Variants in NCKAP5 observed in about 807,000 individuals in gnomAD.
The protein encoded by NCKAP5 is nck-associated protein 5.
In NCKAP5, 92 loss-of-function variants were observed where a neutral mutation model predicts 167.0. That is an observed-to-expected ratio of 0.55 (90% CI 0.47 to 0.66). The LOEUF is 0.66. Ranked by LOEUF, NCKAP5 falls within the 30% of genes least tolerant of loss-of-function variation. The pLI, the probability that NCKAP5 is intolerant of heterozygous loss-of-function variation, is 0.00. For synonymous variants in NCKAP5, 891 were observed against 877.4 expected (o/e 1.02, Z -0.27); for missense variants, 2,378 against 2,315.0 (o/e 1.03, Z -0.56).
In NCKAP5 at chr2:132,699,978, C is replaced by T. The variant is rs535596394; in HGVS notation, c.5713+25649G>A. Reference sequence around the variant, plus strand: ...AAAAGTGTTCCTATTTCTCCACATCCTCTCCAGCACCTGTTGCTTCCTGAC... The same window carrying T: ...AAAAGTGTTCCTATTTCTCCACATCTTCTCCAGCACCTGTTGCTTCCTGAC... On this transcript the variant is annotated intron_variant, in intron 19 of 19. Transcript: ENST00000409261. Among the ~76,000 whole-genome samples, 4 of 152,332 alleles carry T rather than the reference C, an allele frequency of 2.6e-5. No individual in the cohort carries two copies. In the South Asian group the frequency reaches 8.3e-4, roughly 32 times the overall value.
chr2:133,598,640 C>T, the NCKAP5 span, among the ~76,000 whole-genome samples: 10 of 152,092 alleles, frequency 6.6e-5, no homozygotes, highest in African/African-American at 1.9e-4. Flanking sequence ...CTTGTGAATA[C>T]CATGTTGGCT....
intron 16 of NCKAP5, among the ~76,000 whole-genome samples, chr2:132,754,598 C>T (rs10167909): frequency 0.15 from 22,293 of 152,226 alleles, 2,100 homozygotes; most frequent in South Asian, 0.22. Flanking sequence ...GGGCAATAAA[C>T]AGCAGCAGAG....
intron 6 of NCKAP5, among the ~76,000 whole-genome samples, chr2:133,072,157 T>C (rs2080434220): frequency 6.6e-6 from 1 of 151,648 alleles, no homozygotes; most frequent in Admixed American, 6.6e-5. Flanking sequence ...TGATCTCGGC[T>C]CACTACAACC....
chr2:133,667,044 T>C, the NCKAP5 span, among the ~76,000 whole-genome samples: 1 of 152,020 alleles, frequency 6.6e-6, no homozygotes, highest in Admixed American at 6.6e-5. Context: ...CCTAGCTTCT[T>C]CATAGTTTCT....
chr2:133,078,810 T>C (rs1263309373), intron 6 of NCKAP5, among the ~76,000 whole-genome samples: 2 of 152,146 alleles, frequency 1.3e-5, no homozygotes, highest in African/African-American at 4.8e-5. Flanking sequence ...ATGTGTTCGG[T>C]ATCTCAGCAA....
intron 19 of NCKAP5, among the ~76,000 whole-genome samples, chr2:132,693,544 G>A (rs996485234): frequency 4.0e-5 from 6 of 151,244 alleles, no homozygotes; most frequent in African/African-American, 1.2e-4. Context: ...ATGCAAGCAG[G>A]GCCCTGCCGA....
chr2:132,691,429 T>C (rs1686711529), intron 19 of NCKAP5, among the ~76,000 whole-genome samples: 1 of 152,056 alleles, frequency 6.6e-6, no homozygotes. Flanking sequence ...TTTCTCTTCC[T>C]CTCTGTGGTT....
chr2:133,393,879 C>G (rs1361093408), intron 3 of NCKAP5, among the ~76,000 whole-genome samples: 1 of 152,186 alleles, frequency 6.6e-6, no homozygotes, highest in Non-Finnish European at 1.5e-5. Flanking sequence ...AGGAAGGAAT[C>G]AAGAAGCAAG....
chr2:132,765,455 C>T (rs1049104467), intron 16 of NCKAP5, among the ~76,000 whole-genome samples: 3 of 151,960 alleles, frequency 2.0e-5, no homozygotes, highest in African/African-American at 7.2e-5. Flanking sequence ...GCTGTGACTA[C>T]AGGCGCGTGG....
At chr2:133,079,057 A>T (rs189346829) in intron 6 of NCKAP5, among the ~76,000 whole-genome samples, 1 of 152,334 alleles carries the variant, frequency 6.6e-6, no homozygotes, top group Admixed American at 6.5e-5. Flanking sequence ...TTTAGAAAAG[A>T]AAAGAAATAT....
chr2:132,990,982 C>T (rs151330282), intron 7 of NCKAP5, among the ~76,000 whole-genome samples: 20 of 152,248 alleles, frequency 1.3e-4, no homozygotes, highest in East Asian at 5.8e-4. Flanking sequence ...AGATAGAAAG[C>T]GGAAAGGCCC....
At chr2:132,722,700 C>T (rs1285058281) in intron 19 of NCKAP5, among the ~76,000 whole-genome samples, 1 of 152,148 alleles carries the variant, frequency 6.6e-6, no homozygotes, top group Non-Finnish European at 1.5e-5. Context: ...GCAGAACTCC[C>T]ATTTCACTTG....
chr2:133,168,566 C>G (rs937334670), intron 5 of NCKAP5, among the ~76,000 whole-genome samples: 4 of 152,060 alleles, frequency 2.6e-5, no homozygotes, highest in African/African-American at 9.7e-5. Context: ...GCTTGACTTT[C>G]TAGAGAGCCC....
At chr2:133,077,612 C>T (rs927223408) in intron 6 of NCKAP5, among the ~76,000 whole-genome samples, 3 of 152,158 alleles carry the variant, frequency 2.0e-5, no homozygotes, top group African/African-American at 2.4e-5. Flanking sequence ...AAGACATTTT[C>T]TCGTAATGTA....
intron 3 of NCKAP5, among the ~76,000 whole-genome samples, chr2:133,509,887 A>G (rs909549350): frequency 6.6e-6 from 1 of 152,214 alleles, no homozygotes; most frequent in African/African-American, 2.4e-5. Flanking sequence ...GGCCAGAAGT[A>G]GGTATTATGC....
intron 3 of NCKAP5, among the ~76,000 whole-genome samples, chr2:133,468,404 A>T (rs1051864802): frequency 6.7e-6 from 1 of 150,100 alleles, no homozygotes; most frequent in Non-Finnish European, 1.5e-5. Flanking sequence ...GTTCTTTTAC[A>T]TTTGCTGAGG....
chr2:132,710,702 T>G (rs1688756542), intron 19 of NCKAP5, among the ~76,000 whole-genome samples: 1 of 152,228 alleles, frequency 6.6e-6, no homozygotes, highest in South Asian at 2.1e-4. Flanking sequence ...CTCATTTTGC[T>G]CTTTCATCTT....
chr2:132,863,115 C>T (rs566596261), intron 10 of NCKAP5, among the ~76,000 whole-genome samples: 24 of 152,238 alleles, frequency 1.6e-4, no homozygotes, highest in Admixed American at 2.6e-4. Flanking sequence ...CCACCATGCC[C>T]GGCAAAACTT....
chr2:133,584,267 C>T, the NCKAP5 span, among the ~76,000 whole-genome samples: 1 of 152,138 alleles, frequency 6.6e-6, no homozygotes, highest in East Asian at 1.9e-4. Context: ...AAGCTCTGCA[C>T]TTTTCAGATG....
Sources: gnomAD v4.1 joint callset for allele counts (sites outside exome capture counted in the v4.1 genomes callset) on GRCh38, gnomAD v4.1.1 for gene constraint, MANE v1.5 for transcripts, NCBI Gene and HGNC (gene_info 2026-07-23, HGNC 2026-07-21) for gene names.